Variants in POU6F2 observed in about 807,000 individuals in gnomAD.
POU6F2 encodes the protein POU class 6 homeobox 2, also known as POU domain, class 6, transcription factor 2.
A neutral mutation model predicts 71.3 loss-of-function variants in POU6F2; 31 were observed. That is an observed-to-expected ratio of 0.43 (90% CI 0.33 to 0.59). The LOEUF is 0.59. Among genes scored for constraint, POU6F2 ranks in the 20% least tolerant of loss-of-function variants. POU6F2 has a pLI of 0.04. For missense variants in POU6F2, 783 were observed against 856.8 expected (o/e 0.91, Z 1.07); for synonymous variants, 347 against 355.7 (o/e 0.98, Z 0.27).
chr7:39,221,495 A>G (rs1314937749), intron 4 of POU6F2, among the ~76,000 whole-genome samples: 2 of 149,146 alleles, frequency 1.3e-5, no homozygotes, highest in African/African-American at 2.5e-5. Flanking sequence ...GGTTCAAGCA[A>G]TTCTCCTGCC....
At chr7:39,010,442 C>T (rs1307676514) in intron 1 of POU6F2, among the ~76,000 whole-genome samples, 1 of 151,530 alleles carries the variant, frequency 6.6e-6, no homozygotes, top group African/African-American at 2.4e-5. Context: ...TGCTAGTGGT[C>T]TATGAATTTT....
chr7:39,153,949 A>G (rs1478843301), intron 2 of POU6F2, among the ~76,000 whole-genome samples: 2 of 152,192 alleles, frequency 1.3e-5, no homozygotes, highest in African/African-American at 4.8e-5. Context: ...GCCACCTATA[A>G]TGTTCACAAG....
At chr7:39,175,116 C>T (rs1314745753) in intron 2 of POU6F2, among the ~76,000 whole-genome samples, 1 of 152,002 alleles carries the variant, frequency 6.6e-6, no homozygotes, top group Non-Finnish European at 1.5e-5. Flanking sequence ...ACTAGGTTCT[C>T]CTCCTCTATC....
chr7:39,000,835 C>T (rs759055379), intron 1 of POU6F2, among the ~76,000 whole-genome samples: 12 of 152,146 alleles, frequency 7.9e-5, no homozygotes, highest in South Asian at 2.1e-4. Context: ...TTATCAATCA[C>T]GTGGCCTTTC....
At chr7:39,038,026 A>G (rs1157335724) in intron 1 of POU6F2, among the ~76,000 whole-genome samples, 1 of 152,036 alleles carries the variant, frequency 6.6e-6, no homozygotes, top group Non-Finnish European at 1.5e-5. Flanking sequence ...CAGGTAATCT[A>G]CTCAAGGGAC....
At chr7:39,213,812 C>T (rs76260094) in intron 4 of POU6F2, among the ~76,000 whole-genome samples, 3,185 of 152,272 alleles carry the variant, frequency 0.021, 117 homozygotes, top group African/African-American at 0.072. Context: ...GCAGACATCA[C>T]GGAGGTTCCT....
intron 2 of POU6F2, among the ~76,000 whole-genome samples, chr7:39,189,445 C>T (rs1474954381): frequency 6.6e-6 from 1 of 152,210 alleles, no homozygotes; most frequent in Admixed American, 6.5e-5. Flanking sequence ...GTTGCATAGG[C>T]TGGAGTGCAG....
At chr7:39,430,392 TG>T (rs1476306799) in intron 6 of POU6F2, among the ~76,000 whole-genome samples, 7 of 152,242 alleles carry the variant, frequency 4.6e-5, no homozygotes, top group Admixed American at 6.5e-5. Context: ...CAGATTCCTC[TG>T]GCTCTGACAC....
intron 5 of POU6F2, among the ~76,000 whole-genome samples, chr7:39,357,629 C>T (rs1247219269): frequency 6.6e-6 from 1 of 152,220 alleles, no homozygotes; most frequent in East Asian, 1.9e-4. Flanking sequence ...ACCATGCCAC[C>T]TCCAACATTT....
At chr7:39,440,035 T>G (rs187997527) in intron 7 of POU6F2, among the ~76,000 whole-genome samples, 157 of 152,364 alleles carry the variant, frequency 1.0e-3, no homozygotes, top group African/African-American at 3.6e-3. Flanking sequence ...CTTGTAGAGT[T>G]TCTGCTGAGA....
chr7:39,338,831 G>A (rs1004857404), intron 4 of POU6F2, among the ~76,000 whole-genome samples: 3 of 152,078 alleles, frequency 2.0e-5, no homozygotes, highest in African/African-American at 4.8e-5. Context: ...TGCGTGCTCA[G>A]TGCTAAGACA....
chr7:39,204,405 G>A lies in POU6F2; in HGVS notation c.369+79G>A, dbSNP rs546363082. The A allele has an allele frequency of 6.8e-4, 833 of 1,225,774 alleles. 4 individuals carry two copies. The African/African-American group carries it at 0.011, about 16-fold the overall frequency. The allele number at this position is 1,225,774 out of a possible 1,614,324, so 75.9% of individuals were successfully genotyped here. ...TATAAATCACCAAATAAATAATAATGAGTTAAATCCAATTGACTCCAACAG... is the reference window on the plus strand; with the variant it reads ...TATAAATCACCAAATAAATAATAATAAGTTAAATCCAATTGACTCCAACAG... On this transcript the variant is annotated intron_variant, in intron 3 of 9. Coordinates refer to ENST00000518318, the MANE Select transcript of POU6F2 (RefSeq NM_001370959.1).
At chr7:39,370,953 A>G (rs6951850) in intron 5 of POU6F2, among the ~76,000 whole-genome samples, 6,875 of 152,116 alleles carry the variant, frequency 0.045, 212 homozygotes, top group African/African-American at 0.081. Flanking sequence ...GTAGGTAGAC[A>G]GACAGACAGA....
At chr7:39,153,084 G>A (rs1206936622) in intron 2 of POU6F2, among the ~76,000 whole-genome samples, 1 of 152,150 alleles carries the variant, frequency 6.6e-6, no homozygotes. Context: ...TCTGCTTTTA[G>A]CCTATAAGAA....
chr7:39,204,305 C>G lies in POU6F2; in HGVS notation c.348C>G (p.Pro116=), dbSNP rs143669624. 731 of 1,613,746 alleles carry G rather than the reference C, an allele frequency of 4.5e-4. 1 individual carries two copies. The highest frequency in any genetic ancestry group is 5.7e-4 in the Non-Finnish European group (671 of 1,179,768). The change falls in exon 3 of 10, where the codon CCC becomes CCG. Residue 116 remains proline, a synonymous_variant. Transcript: ENST00000518318. The part of the protein sequence containing the change: ...PDQHQASQTH[P]PFPVGPQPLL... ...AACACCAGGCCAGTCAGACCCACCC[C>G]CCATTTCCAGTTGGGCCACAGGTCA...
intron 1 of POU6F2, among the ~76,000 whole-genome samples, chr7:39,035,473 A>G (rs1053459738): frequency 1.1e-4 from 16 of 152,206 alleles, no homozygotes; most frequent in Admixed American, 5.2e-4. Context: ...GGGGAAGTCT[A>G]TGAAGGACTC....
chr7:39,334,981 G>A (rs570974881), intron 4 of POU6F2, among the ~76,000 whole-genome samples: 5 of 152,236 alleles, frequency 3.3e-5, no homozygotes, highest in South Asian at 4.1e-4. Context: ...ATGCCACCCC[G>A]GAGATACTCT....
At chr7:39,187,814 G>C (rs972468006) in intron 2 of POU6F2, among the ~76,000 whole-genome samples, 3 of 152,216 alleles carry the variant, frequency 2.0e-5, no homozygotes, top group Admixed American at 2.0e-4. Context: ...GCTCAGAGGA[G>C]TTTTTAGATG....
At chr7:39,426,197 C>T (rs1583593543) in intron 6 of POU6F2, among the ~76,000 whole-genome samples, 1 of 152,156 alleles carries the variant, frequency 6.6e-6, no homozygotes, top group South Asian at 2.1e-4. Flanking sequence ...GAGAGACCAG[C>T]GGATAAGAAT....
Sources: gnomAD v4.1 joint callset for allele counts (sites outside exome capture counted in the v4.1 genomes callset) on GRCh38, gnomAD v4.1.1 for gene constraint, MANE v1.5 for transcripts, NCBI Gene and HGNC (gene_info 2026-07-23, HGNC 2026-07-21) for gene names.